The following DLGAP2 variants were observed in gnomAD, a reference collection of about 807,000 sequenced individuals.
DLGAP2 encodes disks large-associated protein 2.
In DLGAP2, 26 loss-of-function variants were observed where a neutral mutation model predicts 100.3. The observed-to-expected ratio is 0.26, with a 90% CI of 0.19 to 0.36. The LOEUF (loss-of-function observed/expected upper bound fraction) is 0.36. Among genes scored for constraint, DLGAP2 ranks in the 10% least tolerant of loss-of-function variants. The pLI, the probability that DLGAP2 is intolerant of heterozygous loss-of-function variation, is 1.00. For missense variants in DLGAP2, 1,858 were observed against 1,453.2 expected (o/e 1.28, Z -4.53); for synonymous variants, 886 against 630.1 (o/e 1.41, Z -6.08).
chr8:1,282,334 C>A (rs1799834870), intron 3 of DLGAP2, among the ~76,000 whole-genome samples: 1 of 149,974 alleles, frequency 6.7e-6, no homozygotes, highest in South Asian at 2.2e-4. Context: ...TGACCTGAAC[C>A]CAGCGCCCTG....
chr8:1,267,730 T>A (rs1799496594), intron 3 of DLGAP2, among the ~76,000 whole-genome samples: 1 of 152,064 alleles, frequency 6.6e-6, no homozygotes, highest in Non-Finnish European at 1.5e-5. Flanking sequence ...GTAGCAACTC[T>A]GTTGGACTTC....
intron 3 of DLGAP2, among the ~76,000 whole-genome samples, chr8:1,428,155 AAAAC>A (rs144962817): frequency 0.21 from 32,106 of 151,854 alleles, 3,783 homozygotes; most frequent in Middle Eastern, 0.29. Flanking sequence ...ATCAAAATAG[AAAAC>A]AAAATGCTAG....
At chr8:1,576,800 C>T (rs1802999132) in intron 6 of DLGAP2, among the ~76,000 whole-genome samples, 1 of 152,138 alleles carries the variant, frequency 6.6e-6, no homozygotes, top group African/African-American at 2.4e-5. Flanking sequence ...TTTCTGAGGG[C>T]TCTGTTCTGT....
At chr8:1,328,132 C>T (rs553639428) in intron 3 of DLGAP2, among the ~76,000 whole-genome samples, 7 of 151,888 alleles carry the variant, frequency 4.6e-5, no homozygotes, top group Admixed American at 4.6e-4. Context: ...CTCCACCTCC[C>T]AGGTTCAAGC....
intron 2 of DLGAP2, among the ~76,000 whole-genome samples, chr8:985,873 A>G (rs1233789967): frequency 6.6e-6 from 1 of 152,112 alleles, no homozygotes; most frequent in Non-Finnish European, 1.5e-5. Flanking sequence ...CGATCACCTG[A>G]CAAACCCCCT....
chr8:1,336,703 T>C (rs1801283420), intron 3 of DLGAP2, among the ~76,000 whole-genome samples: 1 of 152,214 alleles, frequency 6.6e-6, no homozygotes, highest in African/African-American at 2.4e-5. Flanking sequence ...CACTCTTTTC[T>C]CACCCCTAAA....
chr8:1,520,880 C>T (rs1476397526), intron 4 of DLGAP2, among the ~76,000 whole-genome samples: 4 of 152,136 alleles, frequency 2.6e-5, no homozygotes, highest in South Asian at 2.1e-4. Context: ...TACCTGGGGG[C>T]GTGATTGCTG....
chr8:1,451,956 C>T (rs988068715), intron 3 of DLGAP2, among the ~76,000 whole-genome samples: 6 of 152,256 alleles, frequency 3.9e-5, no homozygotes, highest in African/African-American at 1.4e-4. Flanking sequence ...CCACCACTCC[C>T]ATATCTGACT....
chr8:797,627 G>A (rs1025183577), intron 1 of DLGAP2, among the ~76,000 whole-genome samples: 4 of 152,168 alleles, frequency 2.6e-5, no homozygotes, highest in African/African-American at 4.8e-5. Context: ...GGAGAACTTG[G>A]CACACAGCCC....
intron 2 of DLGAP2, among the ~76,000 whole-genome samples, chr8:1,165,782 C>A (rs1305366877): frequency 6.6e-6 from 1 of 151,606 alleles, no homozygotes; most frequent in Non-Finnish European, 1.5e-5. Context: ...CAGTTTGTAT[C>A]TCCTCCTGTT....
At chr8:953,102 A>G (rs1209043165) in intron 2 of DLGAP2, among the ~76,000 whole-genome samples, 1 of 152,224 alleles carries the variant, frequency 6.6e-6, no homozygotes, top group Non-Finnish European at 1.5e-5. Flanking sequence ...TAATATCACT[A>G]CCAATTTCAT....
rs200946500 is a variant in DLGAP2, at chr8:1,121,568, A to C, written c.74-137283A>C. 3.8e-5 allele frequency among the ~76,000 whole-genome samples: 5 copies of C among 130,466 alleles called. No homozygotes were observed. In the East Asian group the frequency reaches 1.3e-3, roughly 33 times the overall value. 85.6% of individuals were successfully genotyped at this position (130,466 alleles called of 152,430 possible). A position where few individuals can be genotyped will look rare whatever the true frequency, so the allele number is the denominator to read the frequency against. Reference sequence around the variant, plus strand: ...ACTCATGACCACCCATCTTCTTCCCATTAGAACCCATGACCTCCCATCCTC... The same window carrying C: ...ACTCATGACCACCCATCTTCTTCCCCTTAGAACCCATGACCTCCCATCCTC... On this transcript the variant is annotated intron_variant, in intron 2 of 14. Transcript: ENST00000637795.
chr8:1,292,990 C>G (rs1009664307), intron 3 of DLGAP2, among the ~76,000 whole-genome samples: 1 of 152,178 alleles, frequency 6.6e-6, no homozygotes, highest in African/African-American at 2.4e-5. Flanking sequence ...GGCTGTTCCT[C>G]GTGTCTCTTT....
At chr8:743,245 C>T (rs76511738) in intron 1 of DLGAP2, among the ~76,000 whole-genome samples, 4 of 152,266 alleles carry the variant, frequency 2.6e-5, no homozygotes, top group South Asian at 2.1e-4. Context: ...CTGGGCATCA[C>T]GTTTGACACT....
At chr8:1,136,050 AT>A (rs1339099187) in intron 2 of DLGAP2, among the ~76,000 whole-genome samples, 3 of 152,176 alleles carry the variant, frequency 2.0e-5, no homozygotes, top group Admixed American at 1.3e-4. Context: ...TGCTTAAGAT[AT>A]TTTTCCCAAC....
At chr8:1,031,974 A>T (rs1174621111) in intron 2 of DLGAP2, among the ~76,000 whole-genome samples, 1 of 152,182 alleles carries the variant, frequency 6.6e-6, no homozygotes, top group African/African-American at 2.4e-5. Context: ...ATTCTAGCGA[A>T]TCCCCAGGGG....
intron 1 of DLGAP2, among the ~76,000 whole-genome samples, chr8:806,737 A>G (rs1371806387): frequency 1.3e-5 from 2 of 152,206 alleles, no homozygotes; most frequent in Non-Finnish European, 2.9e-5. Context: ...TCGCGTAACC[A>G]TTGTTGAGTG....
intron 2 of DLGAP2, among the ~76,000 whole-genome samples, chr8:1,191,925 A>T (rs933179574): frequency 6.6e-6 from 1 of 152,186 alleles, no homozygotes; most frequent in East Asian, 1.9e-4. Context: ...CTGATCCCTC[A>T]ACTACGGCCA....
intron 3 of DLGAP2, among the ~76,000 whole-genome samples, chr8:1,485,914 C>T (rs1463171358): frequency 6.6e-6 from 1 of 152,194 alleles, no homozygotes; most frequent in Non-Finnish European, 1.5e-5. Context: ...GTCCCAGCTA[C>T]TCAGGAGGAG....
Sources: gnomAD v4.1 joint callset for allele counts (sites outside exome capture counted in the v4.1 genomes callset) on GRCh38, gnomAD v4.1.1 for gene constraint, MANE v1.5 for transcripts, NCBI Gene and HGNC (gene_info 2026-07-23, HGNC 2026-07-21) for gene names.